ENPP2: variants seen among roughly 807,000 people sequenced by gnomAD.
ENPP2 encodes the protein ectonucleotide pyrophosphatase/phosphodiesterase 2.
In ENPP2, 51 loss-of-function variants were observed where a neutral mutation model predicts 120.2. The observed-to-expected ratio is 0.42, with a 90% CI of 0.34 to 0.54. ENPP2 has a LOEUF of 0.54. Ranked by LOEUF, ENPP2 falls within the 20% of genes least tolerant of loss-of-function variation. The probability of loss-of-function intolerance (pLI) is 0.04; values close to 1 mark genes in which losing one functional copy is unlikely to be tolerated. For synonymous variants in ENPP2, 365 were observed against 366.4 expected (o/e 1.00, Z 0.04); for missense variants, 920 against 1,066.5 (o/e 0.86, Z 1.91).
At chr8:119,596,971 T>G (rs941742092) in intron 11 of ENPP2, among the ~76,000 whole-genome samples, 2 of 151,808 alleles carry the variant, frequency 1.3e-5, no homozygotes, top group African/African-American at 4.8e-5. Context: ...CCTTGCTGTC[T>G]ACCTCACTGA....
At chr8:119,586,642 G>C (rs995277999) in intron 14 of ENPP2, among the ~76,000 whole-genome samples, 2 of 151,978 alleles carry the variant, frequency 1.3e-5, no homozygotes, top group Middle Eastern at 3.2e-3. Flanking sequence ...GTGGGGTGTC[G>C]GTGGGAGGGG....
intron 19 of ENPP2, among the ~76,000 whole-genome samples, chr8:119,574,185 C>G (rs568328878): frequency 7.4e-4 from 112 of 152,162 alleles, no homozygotes; most frequent in Non-Finnish European, 1.8e-4. Context: ...AGAGTCATAG[C>G]CTGACTCTCC....
chr8:119,566,003 T>A (rs1017308212), intron 22 of ENPP2, among the ~76,000 whole-genome samples: 3 of 152,172 alleles, frequency 2.0e-5, no homozygotes, highest in African/African-American at 7.2e-5. Context: ...CCTACCCCTT[T>A]CCCTATCACT....
chr8:119,663,932 G>GTT (rs1348936646), intron 1 of ENPP2, among the ~76,000 whole-genome samples: 1 of 152,206 alleles, frequency 6.6e-6, no homozygotes, highest in East Asian at 1.9e-4. Flanking sequence ...AAGTTTTGCA[G>GTT]TTGGATTTGT....
chr8:119,650,674 T>C (rs1356525644), intron 1 of ENPP2, among the ~76,000 whole-genome samples: 1 of 152,140 alleles, frequency 6.6e-6, no homozygotes, highest in Admixed American at 6.5e-5. Flanking sequence ...ACTGATGCAT[T>C]TGAGTCATGG....
At position 119,587,189 on chromosome 8, in the gene ENPP2, C is replaced by T; in HGVS notation, c.1208-114G>A. 7.1e-6 allele frequency: 6 copies of T among 842,144 alleles called. No individual in the cohort carries two copies. The East Asian group carries it at 1.1e-4, about 15-fold the overall frequency. 52.2% of individuals were successfully genotyped at this position (842,144 alleles called of 1,614,324 possible). On this transcript the variant is annotated intron_variant, in intron 13 of 24. Coordinates refer to ENST00000075322, the MANE Select transcript of ENPP2 (RefSeq NM_001040092.3). ...CCTTCCATCCCACAGAAGACTATCA[C>T]TTTAGTGTTTTGTTTGAAAGATAAA...
At chr8:119,664,817 T>C (rs1450397786) in intron 1 of ENPP2, among the ~76,000 whole-genome samples, 1 of 152,170 alleles carries the variant, frequency 6.6e-6, no homozygotes, top group Non-Finnish European at 1.5e-5. Flanking sequence ...GGAACACGCC[T>C]GTAGTCCCAG....
chr8:119,650,383 C>T lies in ENPP2; in HGVS notation c.22-11856G>A, dbSNP rs116621907. The stretch of plus-strand genomic sequence containing the variant: ...TTTTGTTTTGGAGTGATGAAATGTC[C>T]TAAAATTGCATAATGGTGATGTTTG... On this transcript the variant is annotated intron_variant, in intron 1 of 25. Transcript: ENST00000427067. Among the ~76,000 whole-genome samples, 1,456 of 152,098 alleles carry T rather than the reference C, an allele frequency of 9.6e-3. 24 individuals carry two copies. Among genetic ancestry groups the T allele is most frequent in the African/African-American group, 0.033 (1,382 of 41,466 alleles).
At chr8:119,588,730 A>G (rs72688224) in intron 13 of ENPP2, among the ~76,000 whole-genome samples, 8,090 of 152,146 alleles carry the variant, frequency 0.053, 302 homozygotes, top group Non-Finnish European at 0.08. Context: ...GGGACGAAAT[A>G]AAGTAAGTTC....
At chr8:119,568,273 T>C (rs1172287171) in intron 21 of ENPP2, 21 bp from the exon 22 acceptor site, 3 of 1,382,454 alleles carry the variant, frequency 2.2e-6, no homozygotes. Context: ...GGAAAACAAA[T>C]AGTATACGTT....
chr8:119,562,782 A>G (rs1218068297), intron 24 of ENPP2, 75 bp downstream of exon 24: 4 of 1,370,872 alleles, frequency 2.9e-6, no homozygotes, highest in Admixed American at 1.9e-5. Context: ...TTCTAGTTCA[A>G]TGATGGAAAT....
In ENPP2 at chr8:119,607,970, A is replaced by G; in HGVS notation, c.785T>C (p.Ile262Thr). Residue 262 changes from isoleucine to threonine, a missense_variant, in exon 9 of 25, where the codon ATT becomes ACT. Coordinates refer to ENST00000075322, the MANE Select transcript of ENPP2 (RefSeq NM_001040092.3). The part of the protein sequence containing the change: ...HRWWGGQPLW[I>T]TATKQGVKAG... ...TTTCACCCCTTGCTTGGTGGCTGTA[A>G]TCCATAGCTAATGAGGAAAATATAA... 1 of 1,608,694 alleles carries G rather than the reference A, an allele frequency of 6.2e-7. No homozygotes were observed. Among genetic ancestry groups the G allele is most frequent in the East Asian group, 2.2e-5 (1 of 44,776 alleles).
chr8:119,599,088 A>G (rs1814104410), intron 11 of ENPP2, among the ~76,000 whole-genome samples: 1 of 152,216 alleles, frequency 6.6e-6, no homozygotes, highest in South Asian at 2.1e-4. Context: ...GTCAATCTAA[A>G]AATAAAACAG....
intron 3 of ENPP2, among the ~76,000 whole-genome samples, chr8:119,624,548 G>C (rs1396455574): frequency 1.3e-5 from 2 of 151,922 alleles, no homozygotes; most frequent in African/African-American, 4.8e-5. Flanking sequence ...AAGGAGAATA[G>C]GCAAAAGTAT....
intron 13 of ENPP2, among the ~76,000 whole-genome samples, chr8:119,588,681 G>C (rs1226184929): frequency 6.6e-6 from 1 of 152,034 alleles, no homozygotes; most frequent in African/African-American, 2.4e-5. Context: ...CAAGCAACCT[G>C]ATTGAGCAAG....
rs997954107 is a variant in ENPP2 at position 119,621,278 on chromosome 8, C to A, written c.418+116G>T. The A allele has an allele frequency of 1.7e-5, 15 of 863,218 alleles. No homozygotes were observed. In the African/African-American group the frequency reaches 2.5e-4, roughly 14 times the overall value. The allele number at this position is 863,218 out of a possible 1,614,324, so 53.5% of individuals were successfully genotyped here. On this transcript the variant is annotated intron_variant, in intron 4 of 24. Transcript: ENST00000075322. Reference sequence around the variant, plus strand: ...GCATGAGAAATTAAAAAGGACAATTCATTCCTTCCTCCCAAACTCATATCC... The same window carrying A: ...GCATGAGAAATTAAAAAGGACAATTAATTCCTTCCTCCCAAACTCATATCC...
At chr8:119,616,451 T>G (rs1259011693) in intron 7 of ENPP2, 67 bp from the exon 8 acceptor site, 1 of 1,247,698 alleles carries the variant, frequency 8.0e-7, no homozygotes, top group Non-Finnish European at 1.1e-6. Context: ...AGTTCTAGTA[T>G]GAATTTTCTT....
Position 119,563,028 on chromosome 8 carries a change from T to TA in ENPP2, c.2265-16dup. 1 of 1,610,346 alleles carries TA rather than the reference T, an allele frequency of 6.2e-7. No homozygotes were observed. Among genetic ancestry groups the TA allele is most frequent in the African/African-American group, 1.3e-5 (1 of 74,948 alleles). On this transcript the variant is annotated splice_polypyrimidine_tract_variant and intron_variant, in intron 23 of 24. Coordinates refer to ENST00000075322, the MANE Select transcript of ENPP2 (RefSeq NM_001040092.3). ...CTTCCACGTACCTGAAACAGGAAGG[T>TA]AAAACGAAGTCACAGTTGATGAGTT...
At chr8:119,598,981 T>G (rs1358298524) in intron 11 of ENPP2, among the ~76,000 whole-genome samples, 1 of 152,218 alleles carries the variant, frequency 6.6e-6, no homozygotes, top group Non-Finnish European at 1.5e-5. Context: ...AACTTTTAAG[T>G]AGGGAACATG....
Sources: allele counts gnomAD v4.1 joint callset (sites outside exome capture counted in the v4.1 genomes callset), GRCh38; gene constraint gnomAD v4.1.1; transcripts MANE v1.5; gene names NCBI Gene and HGNC (gene_info 2026-07-23, HGNC 2026-07-21).